REEP1: variants seen among roughly 807,000 people sequenced by gnomAD.
REEP1 encodes receptor expression-enhancing protein 1.
Under a neutral mutation model 40.3 loss-of-function variants are expected in REEP1, and 22 were observed. The ratio of observed to expected loss-of-function variants is 0.55; its 90% CI spans 0.39 to 0.78. The LOEUF is 0.78. Among genes scored for constraint, REEP1 ranks in the 30% least tolerant of loss-of-function variants. The pLI, the probability that REEP1 is intolerant of heterozygous loss-of-function variation, is 0.00. For synonymous variants in REEP1, 116 were observed against 139.2 expected (o/e 0.83, Z 1.17); for missense variants, 280 against 361.1 (o/e 0.78, Z 1.82).
At chr2:86,284,905 T>C (rs1232778173) in intron 1 of REEP1, among the ~76,000 whole-genome samples, 1 of 152,216 alleles carries the variant, frequency 6.6e-6, no homozygotes, top group African/African-American at 2.4e-5. Context: ...CACACAAGTT[T>C]GCTTTTCGGT....
At chr2:86,305,920 T>A (rs529035807) in intron 1 of REEP1, among the ~76,000 whole-genome samples, 2 of 152,316 alleles carry the variant, frequency 1.3e-5, no homozygotes, top group African/African-American at 4.8e-5. Flanking sequence ...GGTACAGTTC[T>A]CCTCGGGCCA....
chr2:86,300,126 A>G (rs1348011890), intron 1 of REEP1, among the ~76,000 whole-genome samples: 4 of 152,190 alleles, frequency 2.6e-5, no homozygotes, highest in Non-Finnish European at 5.9e-5. Flanking sequence ...GGAACTTGCT[A>G]TCATCCCACG....
intron 1 of REEP1, among the ~76,000 whole-genome samples, chr2:86,328,555 T>A (rs528206411): frequency 3.2e-4 from 48 of 152,220 alleles, no homozygotes; most frequent in Non-Finnish European, 6.2e-4. Context: ...GGCGGGCACC[T>A]GTAGTCCCGG....
chr2:86,283,921 G>C (rs771051893), intron 1 of REEP1, among the ~76,000 whole-genome samples: 52 of 152,108 alleles, frequency 3.4e-4, no homozygotes, highest in Admixed American at 5.9e-4. Flanking sequence ...TTGGGGAGCA[G>C]CCCACCCTCC....
intron 2 of REEP1, among the ~76,000 whole-genome samples, chr2:86,265,471 G>A (rs557958469): frequency 5.3e-5 from 8 of 152,102 alleles, no homozygotes; most frequent in South Asian, 2.1e-4. Flanking sequence ...TTAACTGCCT[G>A]CTAGAACAAC....
intron 2 of REEP1, among the ~76,000 whole-genome samples, chr2:86,278,798 G>A (rs114369960): frequency 0.021 from 3,217 of 152,266 alleles, 106 homozygotes; most frequent in African/African-American, 0.073. Flanking sequence ...GAGCTGGGCC[G>A]TCAGCACCAC....
chr2:86,257,021 C>A (rs1676599576), intron 3 of REEP1, among the ~76,000 whole-genome samples: 1 of 152,228 alleles, frequency 6.6e-6, no homozygotes, highest in South Asian at 2.1e-4. Flanking sequence ...CCTTCTGCCT[C>A]TGGTGGGTGC....
At chr2:86,322,718 T>C (rs1680324581) in intron 1 of REEP1, among the ~76,000 whole-genome samples, 1 of 152,156 alleles carries the variant, frequency 6.6e-6, no homozygotes. Flanking sequence ...CCTCCCGAAG[T>C]GCTAGGATTA....
intron 5 of REEP1, among the ~76,000 whole-genome samples, chr2:86,246,230 T>C (rs1001591725): frequency 1.3e-5 from 2 of 152,228 alleles, no homozygotes; most frequent in Non-Finnish European, 2.9e-5. Flanking sequence ...CAAAGCATTG[T>C]TCTGTTTTTG....
chr2:86,334,849 T>C (rs1680940128), intron 1 of REEP1, among the ~76,000 whole-genome samples: 1 of 152,168 alleles, frequency 6.6e-6, no homozygotes, highest in Non-Finnish European at 1.5e-5. Context: ...ATTGATTTAG[T>C]GCTCTCCGTG....
Position 86,232,504 on chromosome 2 carries a change from C to T in REEP1, c.595+121G>A, listed in dbSNP as rs558257702. 9 of 1,204,792 alleles carry T rather than the reference C, an allele frequency of 7.5e-6. No individual in the cohort carries two copies. In the Admixed American group the frequency reaches 7.6e-5, roughly 10 times the overall value. 74.6% of individuals were successfully genotyped at this position (1,204,792 alleles called of 1,614,324 possible). On this transcript the variant is annotated intron_variant, in intron 6 of 8. Coordinates refer to ENST00000538924, the MANE Select transcript of REEP1 (RefSeq NM_001371279.1). ...CTGACCTGGCATGATCTGATGGACA[C>T]CCCGTTGGTGGCAGGTCCGTGGGGC...
intron 1 of REEP1, among the ~76,000 whole-genome samples, chr2:86,306,922 T>TGG (rs1321055421): frequency 6.6e-6 from 1 of 151,362 alleles, no homozygotes; most frequent in Non-Finnish European, 1.5e-5. Flanking sequence ...AAGCCACACC[T>TGG]GGCCAGGCAC....
intron 1 of REEP1, among the ~76,000 whole-genome samples, chr2:86,318,673 C>T (rs538132057): frequency 6.6e-6 from 1 of 152,220 alleles, no homozygotes; most frequent in African/African-American, 2.4e-5. Context: ...GCTGGGATTA[C>T]AGGCGTGAGC....
chr2:86,220,171 A>C, intron 7 of REEP1, 50 bp from the exon 8 acceptor site: 2 of 1,198,874 alleles, frequency 1.7e-6, no homozygotes, highest in Non-Finnish European at 2.1e-6. Flanking sequence ...ATAGCAAGGA[A>C]GCATCAGTGC....
chr2:86,257,995 A>G (rs1676664004), intron 3 of REEP1, among the ~76,000 whole-genome samples: 1 of 152,090 alleles, frequency 6.6e-6, no homozygotes, highest in African/African-American at 2.4e-5. Context: ...GATATTTACG[A>G]TGGTTATGAT....
At chr2:86,327,429 A>G (rs1165039903) in intron 1 of REEP1, among the ~76,000 whole-genome samples, 2 of 152,110 alleles carry the variant, frequency 1.3e-5, no homozygotes, top group Non-Finnish European at 2.9e-5. Flanking sequence ...GAGAGAGGGG[A>G]GGCCACTGCA....
chr2:86,255,719 T>C (rs139986135), intron 3 of REEP1, among the ~76,000 whole-genome samples: 10 of 152,260 alleles, frequency 6.6e-5, no homozygotes, highest in African/African-American at 2.4e-4. Flanking sequence ...TATAAAATAA[T>C]CACAAATAAT....
At chr2:86,253,871 C>T (rs543173571) in intron 4 of REEP1, among the ~76,000 whole-genome samples, 1 of 152,336 alleles carries the variant, frequency 6.6e-6, no homozygotes, top group African/African-American at 2.4e-5. Flanking sequence ...CCCCACTACA[C>T]AATCAGCTTA....
At chr2:86,318,553 A>G (rs1427901682) in intron 1 of REEP1, among the ~76,000 whole-genome samples, 1 of 152,020 alleles carries the variant, frequency 6.6e-6, no homozygotes, top group African/African-American at 2.4e-5. Flanking sequence ...CCATGCCACC[A>G]ATCCCGGCTA....
Sources: allele counts gnomAD v4.1 joint callset (sites outside exome capture counted in the v4.1 genomes callset), GRCh38; gene constraint gnomAD v4.1.1; transcripts MANE v1.5; gene names NCBI Gene and HGNC (gene_info 2026-07-23, HGNC 2026-07-21).